Variants in ERLEC1 observed in about 807,000 individuals in gnomAD.
The protein encoded by ERLEC1 is ER lectin.
Under a neutral mutation model 68.0 loss-of-function variants are expected in ERLEC1, and 47 were observed. That is an observed-to-expected ratio of 0.69 (90% CI 0.55 to 0.88). The LOEUF (loss-of-function observed/expected upper bound fraction) is 0.88. Ranked by LOEUF, ERLEC1 falls within the 40% of genes least tolerant of loss-of-function variation. The pLI, the probability that ERLEC1 is intolerant of heterozygous loss-of-function variation, is 0.00. For missense variants in ERLEC1, 567 were observed against 583.8 expected (o/e 0.97, Z 0.30); for synonymous variants, 225 against 203.2 (o/e 1.11, Z -0.91).
rs747353694 is a variant in ERLEC1, at chr2:53,809,199, TTTC to T, written c.1042-12_1042-10del. ...CAGTTCTTAACTTGATCTAATATGT[TTTC>T]TTTTTTTTTAGGGTGTCGGTTGGTG... On this transcript the variant is annotated splice_polypyrimidine_tract_variant and intron_variant, in intron 9 of 13. Coordinates refer to ENST00000185150, the MANE Select transcript of ERLEC1 (RefSeq NM_015701.5). 8.9e-6 allele frequency: 14 copies of T among 1,578,152 alleles called. No homozygotes were observed. In the Admixed American group the frequency reaches 2.4e-4, roughly 27 times the overall value.
At chr2:53,803,235 C>T (rs747994523) in intron 8 of ERLEC1, among the ~76,000 whole-genome samples, 1 of 152,140 alleles carries the variant, frequency 6.6e-6, no homozygotes, top group Non-Finnish European at 1.5e-5. Flanking sequence ...TATTACTGGA[C>T]TCTTTGTGCA....
intron 8 of ERLEC1, 131 bp downstream of exon 8, chr2:53,801,973 ATT>A (rs1676030076): frequency 4.4e-6 from 3 of 677,360 alleles, no homozygotes; most frequent in South Asian, 4.1e-5. Context: ...TTTGAATTTC[ATT>A]TCTTTTCATT....
chr2:53,797,922 C>A, intron 5 of ERLEC1, 127 bp downstream of exon 5: 2 of 854,874 alleles, frequency 2.3e-6, no homozygotes, highest in Non-Finnish European at 3.8e-6. Context: ...ATAGGCTGGG[C>A]GCGGTGGCTG....
chr2:53,802,838 TCTC>T (rs2104307753), intron 8 of ERLEC1, among the ~76,000 whole-genome samples: 1 of 152,192 alleles, frequency 6.6e-6, no homozygotes, highest in South Asian at 2.1e-4. Flanking sequence ...TTCAAGCAAT[TCTC>T]CTGCCTCAGC....
At chr2:53,808,843 G>A (rs958016975) in intron 9 of ERLEC1, among the ~76,000 whole-genome samples, 12 of 152,154 alleles carry the variant, frequency 7.9e-5, no homozygotes, top group African/African-American at 2.9e-4. Context: ...TACCCAGGCT[G>A]ATCTCAAACT....
intron 10 of ERLEC1, among the ~76,000 whole-genome samples, chr2:53,810,210 C>T (rs1369185781): frequency 1.3e-5 from 2 of 152,166 alleles, no homozygotes; most frequent in African/African-American, 2.4e-5. Context: ...TGGCTCATGC[C>T]TGTAATCCAA....
chr2:53,814,665 C>G (rs1676768208), intron 12 of ERLEC1, 45 bp downstream of exon 12: 2 of 1,427,356 alleles, frequency 1.4e-6, no homozygotes, highest in East Asian at 2.3e-5. Flanking sequence ...TGTCTTTTAA[C>G]TGCTTCCTAT....
In ERLEC1 at chr2:53,814,882, C is replaced by T. The variant is rs1225099739; in HGVS notation, c.1327C>T (p.His443Tyr). ...KLKCKESDSPHAVTVYMLEPH... is the reference protein window; with the variant it reads ...KLKCKESDSPYAVTVYMLEPH... Reference sequence around the variant, plus strand: ...TAGGTGCAAAGAATCAGATTCACCTCATGCTGTTACTGTATATATGCTAGA... The same window carrying T: ...TAGGTGCAAAGAATCAGATTCACCTTATGCTGTTACTGTATATATGCTAGA... Residue 443 changes from histidine (H) to tyrosine (Y), a missense_variant, in exon 13 of 14, where the codon CAT becomes TAT. Coordinates refer to ENST00000185150, the MANE Select transcript of ERLEC1 (RefSeq NM_015701.5). 2 of 1,608,326 alleles carry T rather than the reference C, an allele frequency of 1.2e-6. No individual in the cohort carries two copies. The highest frequency in any genetic ancestry group is 1.1e-5 in the South Asian group (1 of 90,430).
chr2:53,795,355 A>G (rs1429460707), intron 2 of ERLEC1, among the ~76,000 whole-genome samples: 3 of 152,320 alleles, frequency 2.0e-5, no homozygotes, highest in East Asian at 1.9e-4. Context: ...TAATATTTTC[A>G]TGATCTGGAA....
intron 10 of ERLEC1, among the ~76,000 whole-genome samples, chr2:53,812,247 A>C (rs547681962): frequency 6.6e-6 from 1 of 152,124 alleles, no homozygotes; most frequent in Non-Finnish European, 1.5e-5. Flanking sequence ...CCAGATATCT[A>C]TTAGTGCCCA....
chr2:53,790,238 C>T lies in ERLEC1; in HGVS notation c.162+2866C>T, dbSNP rs554460701. Among the ~76,000 whole-genome samples, 7 of 143,878 alleles carry T rather than the reference C, an allele frequency of 4.9e-5. No individual in the cohort carries two copies. The South Asian group carries it at 1.7e-3, about 34-fold the overall frequency. 94.4% of individuals were successfully genotyped at this position (143,878 alleles called of 152,430 possible). A position where few individuals can be genotyped will look rare whatever the true frequency, so the allele number is the denominator to read the frequency against. On this transcript the variant is annotated intron_variant, in intron 1 of 13. Coordinates refer to ENST00000185150, the MANE Select transcript of ERLEC1 (RefSeq NM_015701.5). ...CCTCCCCAGTAGCTGGGATTGTAAGCGTGCGCTACCACACCTGGCTAATTT... is the reference window on the plus strand; with the variant it reads ...CCTCCCCAGTAGCTGGGATTGTAAGTGTGCGCTACCACACCTGGCTAATTT...
chr2:53,794,113 G>A (rs917832342), intron 1 of ERLEC1, among the ~76,000 whole-genome samples: 1 of 152,138 alleles, frequency 6.6e-6, no homozygotes, highest in Non-Finnish European at 1.5e-5. Context: ...AGGGATATTA[G>A]AAGCTCAGAC....
At chr2:53,796,889 C>CTTTTTTT (rs958244464) in intron 3 of ERLEC1, among the ~76,000 whole-genome samples, 464 of 117,166 alleles carry the variant, frequency 4.0e-3, no homozygotes, top group Middle Eastern at 5.0e-3. Flanking sequence ...TTTTCTTTTT[C>CTTTTTTT]TTTTTTTTTT....
At chr2:53,817,290 C>T (rs1318308203) in intron 13 of ERLEC1, among the ~76,000 whole-genome samples, 1 of 152,014 alleles carries the variant, frequency 6.6e-6, no homozygotes, top group Non-Finnish European at 1.5e-5. Context: ...TGTCCCACCA[C>T]GCCTGGCTAA....
chr2:53,787,225 C>A lies in ERLEC1; in HGVS notation c.15C>A (p.Gly5=). ...GGCGGCGGAGGATGGAGGAAGGAGG[C>A]GGCGGCGTACGGAGTCTGGTCCCGG... MEEG[G]GGVRSLVPGG... Residue 5 remains glycine (G), a synonymous_variant, in exon 1 of 14, where the codon GGC becomes GGA. Transcript: ENST00000185150. The A allele has an allele frequency of 1.2e-6, 2 of 1,602,446 alleles. No homozygotes were observed. Among genetic ancestry groups the A allele is most frequent in the Non-Finnish European group, 1.7e-6 (2 of 1,177,924 alleles).
chr2:53,814,534 C>G lies in ERLEC1; in HGVS notation c.1227-9C>G. 6.2e-7 allele frequency: 1 copy of G among 1,602,924 alleles called. No individual in the cohort carries two copies. The highest frequency in any genetic ancestry group is 8.5e-7 in the Non-Finnish European group (1 of 1,171,932). ...AGTTTAATAAAACTTGTGTGTTTCT[C>G]TGATTCAGGATGGTGTCACATTTTT... is the stretch of plus-strand genomic sequence containing the variant. On this transcript the variant is annotated splice_polypyrimidine_tract_variant and intron_variant, in intron 11 of 13. Coordinates refer to ENST00000185150, the MANE Select transcript of ERLEC1 (RefSeq NM_015701.5).
chr2:53,798,177 A>C lies in ERLEC1; in HGVS notation c.490+382A>C, dbSNP rs567856054. 2.6e-5 allele frequency among the ~76,000 whole-genome samples: 4 copies of C among 152,332 alleles called. No homozygotes were observed. In the South Asian group the frequency reaches 8.3e-4, roughly 32 times the overall value. ...ACCACTGCACTCCAGCCTGGGCAAC[A>C]GAGTGAGACTCCATTTCAAAATAAA... On this transcript the variant is annotated intron_variant, in intron 5 of 13. Transcript: ENST00000185150.
rs745440041 is a variant in ERLEC1, at chr2:53,818,037, C to T, written c.*68C>T. 16 of 1,034,768 alleles carry T rather than the reference C, an allele frequency of 1.5e-5. No homozygotes were observed. The highest frequency in any genetic ancestry group is 2.4e-5 in the Non-Finnish European group (16 of 658,248). The allele number at this position is 1,034,768 out of a possible 1,614,324, so 64.1% of individuals were successfully genotyped here. ...TGATAATTTCTGTCCCACTGTGTCT[C>T]ATTATAGAGTTCTCAGCCATTGGAC... On this transcript the variant is annotated 3_prime_UTR_variant, in exon 14 of 14. Transcript: ENST00000185150.
At chr2:53,792,916 G>A (rs1034750912) in intron 1 of ERLEC1, among the ~76,000 whole-genome samples, 4 of 151,988 alleles carry the variant, frequency 2.6e-5, no homozygotes, top group African/African-American at 4.8e-5. Flanking sequence ...AGGCTAAGGC[G>A]GGAGGATCAC....
Sources: allele counts gnomAD v4.1 joint callset (sites outside exome capture counted in the v4.1 genomes callset), GRCh38; gene constraint gnomAD v4.1.1; transcripts MANE v1.5; gene names NCBI Gene and HGNC (gene_info 2026-07-23, HGNC 2026-07-21).